AVEN: variants seen among roughly 807,000 people sequenced by gnomAD.
The protein encoded by AVEN is cell death regulator Aven.
A neutral mutation model predicts 38.1 loss-of-function variants in AVEN; 41 were observed. The ratio of observed to expected loss-of-function variants is 1.08; its 90% confidence interval spans 0.84 to 1.40. AVEN has a LOEUF of 1.40. Ranked by LOEUF, AVEN falls within the 40% of genes most tolerant of loss-of-function variation. The pLI, the probability that AVEN is intolerant of heterozygous loss-of-function variation, is 0.00. For missense variants in AVEN, 605 were observed against 438.8 expected, an observed-to-expected ratio of 1.38 and a Z score of -3.38; for synonymous variants, 206 against 171.8, an observed-to-expected ratio of 1.20 and a Z score of -1.56.
At chr15:34,033,530 CA>C (rs1898963553) in intron 1 of AVEN, among the ~76,000 whole-genome samples, 1 of 151,206 alleles carries the variant, frequency 6.6e-6, no homozygotes, top group Admixed American at 6.6e-5. Flanking sequence ...AATTGCAAAT[CA>C]AAATAACTGT....
intron 1 of AVEN, among the ~76,000 whole-genome samples, chr15:34,023,553 C>T (rs1190720305): frequency 6.6e-6 from 1 of 152,146 alleles, no homozygotes; most frequent in Non-Finnish European, 1.5e-5. Flanking sequence ...AGATTCAGTG[C>T]ACAATTTCTT....
intron 2 of AVEN, among the ~76,000 whole-genome samples, chr15:33,938,898 A>C (rs936651784): frequency 3.3e-5 from 5 of 151,888 alleles, no homozygotes; most frequent in African/African-American, 1.2e-4. Flanking sequence ...CTGGAATGCA[A>C]TGGCGCCATC....
Position 33,959,690 on chromosome 15 carries a change from G to A in AVEN, c.445+43342C>T, listed in dbSNP as rs187281187. Among the ~76,000 whole-genome samples, 253 of 152,322 alleles carry A rather than the reference G, an allele frequency of 1.7e-3. 2 individuals carry two copies. The highest frequency in any genetic ancestry group is 5.7e-3 in the African/African-American group (239 of 41,578). On this transcript the variant is annotated intron_variant, in intron 2 of 5. Transcript: ENST00000306730. The stretch of plus-strand genomic sequence containing the variant: ...ACTGGAATGAGAACGAGGAAGAAGA[G>A]GAGGCAGAGCTGGTCCTTCTCAGCA...
At chr15:33,981,633 C>A (rs1188915587) in intron 2 of AVEN, among the ~76,000 whole-genome samples, 1 of 152,162 alleles carries the variant, frequency 6.6e-6, no homozygotes, top group Admixed American at 6.5e-5. Context: ...AAAGAATAGT[C>A]ATGGGTTTTG....
At chr15:33,864,352 G>A (rs1157450095), downstream of AVEN, among the ~76,000 whole-genome samples, 3 of 151,838 alleles carry the variant, frequency 2.0e-5, no homozygotes, top group East Asian at 3.8e-4. Flanking sequence ...AAGTCCTCCT[G>A]TTTATCCTTC....
chr15:33,862,672 G>A (rs530546057), downstream of AVEN, among the ~76,000 whole-genome samples: 16 of 151,856 alleles, frequency 1.1e-4, no homozygotes, highest in South Asian at 2.5e-3. Context: ...GTGCAGTGGC[G>A]CCATCTTGGC....
chr15:33,857,649 C>A, downstream of AVEN: 1 of 1,138,194 alleles, frequency 8.8e-7, no homozygotes, highest in Non-Finnish European at 1.3e-6. Flanking sequence ...CTTAGCCGCC[C>A]TCCACCCCTT....
At chr15:33,955,313 T>C (rs1033549886) in intron 2 of AVEN, among the ~76,000 whole-genome samples, 9 of 152,098 alleles carry the variant, frequency 5.9e-5, no homozygotes, top group African/African-American at 2.2e-4. Flanking sequence ...AGAAGGAAAA[T>C]GTAAATCAAG....
downstream of AVEN, among the ~76,000 whole-genome samples, chr15:33,861,663 C>T (rs1403079958): frequency 2.6e-5 from 4 of 152,122 alleles, no homozygotes; most frequent in Non-Finnish European, 5.9e-5. Context: ...CCCACTACAT[C>T]ATAATATTGG....
At chr15:34,053,101 A>G (rs933475844) in intron 5 of AVEN, among the ~76,000 whole-genome samples, 2 of 151,714 alleles carry the variant, frequency 1.3e-5, no homozygotes, top group Non-Finnish European at 1.5e-5. Context: ...GGAATTTGAG[A>G]CGAGCCTAGC....
At chr15:34,054,107 G>T (rs1244139231) in intron 5 of AVEN, among the ~76,000 whole-genome samples, 1 of 152,086 alleles carries the variant, frequency 6.6e-6, no homozygotes, top group Non-Finnish European at 1.5e-5. Flanking sequence ...TTAGAGAAAT[G>T]CAAATCAAAA....
chr15:34,056,881 A>G (rs1439600764), intron 5 of AVEN, among the ~76,000 whole-genome samples: 1 of 152,142 alleles, frequency 6.6e-6, no homozygotes, highest in Non-Finnish European at 1.5e-5. Flanking sequence ...AAATGAAACC[A>G]GAAAAAAATT....
At chr15:34,030,388 C>T (rs1224611528) in intron 1 of AVEN, among the ~76,000 whole-genome samples, 1 of 152,060 alleles carries the variant, frequency 6.6e-6, no homozygotes, top group Non-Finnish European at 1.5e-5. Flanking sequence ...CTCTGTCGCC[C>T]AGGCTGGAGT....
chr15:33,895,978 C>A (rs1431520259), intron 2 of AVEN, among the ~76,000 whole-genome samples: 1 of 152,170 alleles, frequency 6.6e-6, no homozygotes, highest in Non-Finnish European at 1.5e-5. Flanking sequence ...ATTCCTGAGG[C>A]ATTGGGTAGA....
Position 33,874,315 on chromosome 15 carries a change from G to A in AVEN, c.516+1610C>T, listed in dbSNP as rs1891132127. On this transcript the variant is annotated intron_variant, in intron 3 of 5. Coordinates refer to ENST00000306730, the MANE Select transcript of AVEN (RefSeq NM_020371.3). ...GTCTCAGATCTAGAATTCACACTCA[G>A]GTCTGAAACTGCTGGTACTAACTAG... 3.9e-5 allele frequency among the ~76,000 whole-genome samples: 6 copies of A among 152,104 alleles called. No individual in the cohort carries two copies. In the South Asian group the frequency reaches 1.2e-3, roughly 32 times the overall value.
chr15:33,935,111 C>T (rs1382290884), intron 2 of AVEN, among the ~76,000 whole-genome samples: 2 of 152,160 alleles, frequency 1.3e-5, no homozygotes, highest in Non-Finnish European at 2.9e-5. Flanking sequence ...GATGTGTAGA[C>T]ATGACTAATG....
At chr15:34,047,893 G>A (rs1899770612) in intron 5 of AVEN, among the ~76,000 whole-genome samples, 1 of 152,136 alleles carries the variant, frequency 6.6e-6, no homozygotes, top group Non-Finnish European at 1.5e-5. Flanking sequence ...TTCCCAGGAT[G>A]AGGGGCTCTC....
In AVEN at chr15:33,860,615, G is replaced by A. The variant is rs754204950; in HGVS notation, n.2730-1521C>T. 6 of 1,591,492 alleles carry A rather than the reference G, an allele frequency of 3.8e-6. No individual in the cohort carries two copies. The highest frequency in any genetic ancestry group is 2.3e-5 in the South Asian group (2 of 87,020). ...TCCAGGTCTTATTATTGATGCTTTC[G>A]GAGAGCTAAGAGACCAGCAGGAACA... On this transcript the variant is annotated intron_variant and non_coding_transcript_variant, in intron 11 of 11. Coordinates refer to the AVEN transcript ENST00000675287.
At chr15:33,908,205 T>C (rs1394551125) in intron 2 of AVEN, among the ~76,000 whole-genome samples, 1 of 152,210 alleles carries the variant, frequency 6.6e-6, no homozygotes, top group Non-Finnish European at 1.5e-5. Context: ...CTAGAACTCA[T>C]TTATCATCCC....
Sources: allele counts gnomAD v4.1 joint callset (sites outside exome capture counted in the v4.1 genomes callset), GRCh38; gene constraint gnomAD v4.1.1; transcripts MANE v1.5; gene names NCBI Gene and HGNC (gene_info 2026-07-23, HGNC 2026-07-21).